TRIM24: variants seen among roughly 807,000 people sequenced by gnomAD.
TRIM24 encodes the protein tripartite motif containing 24.
A neutral mutation model predicts 123.9 loss-of-function variants in TRIM24; 29 were observed. The ratio of observed to expected loss-of-function variants is 0.23; its 90% CI spans 0.17 to 0.32. The LOEUF is 0.32. Ranked by LOEUF, TRIM24 falls within the 10% of genes least tolerant of loss-of-function variation. TRIM24 has a pLI of 1.00. For synonymous variants in TRIM24, 456 were observed against 461.1 expected (o/e 0.99, Z 0.14); for missense variants, 932 against 1,295.3 (o/e 0.72, Z 4.31).
intron 6 of TRIM24, among the ~76,000 whole-genome samples, chr7:138,537,002 G>C (rs1262264328): frequency 6.6e-6 from 1 of 152,190 alleles, no homozygotes; most frequent in African/African-American, 2.4e-5. Context: ...GTGGGTATGG[G>C]ACACTCCGAG....
At chr7:138,578,532 T>G (rs867677394) in intron 14 of TRIM24, among the ~76,000 whole-genome samples, 1,753 of 146,820 alleles carry the variant, frequency 0.012, 27 homozygotes, top group African/African-American at 0.041. Flanking sequence ...GGTGGTGGTT[T>G]TGTGTGTGTG....
chr7:138,482,004 G>C (rs762453881), intron 1 of TRIM24, among the ~76,000 whole-genome samples: 7 of 152,200 alleles, frequency 4.6e-5, no homozygotes, highest in Non-Finnish European at 1.0e-4. Flanking sequence ...CTACACCGCC[G>C]TGCTTATAAT....
chr7:138,577,979 A>C (rs1554445228), intron 14 of TRIM24, among the ~76,000 whole-genome samples: 1 of 152,166 alleles, frequency 6.6e-6, no homozygotes, highest in Non-Finnish European at 1.5e-5. Context: ...ACAAGAAAGA[A>C]GACATAAGAT....
intron 9 of TRIM24, among the ~76,000 whole-genome samples, chr7:138,563,462 C>T (rs1393125162): frequency 1.3e-5 from 2 of 152,330 alleles, no homozygotes; most frequent in East Asian, 3.9e-4. Context: ...TCTTGCAATG[C>T]TAGTTTCCCT....
intron 10 of TRIM24, among the ~76,000 whole-genome samples, chr7:138,568,379 C>CTTTTTTTTTTTTTTTTTTTTTT (rs60386130): frequency 1.9e-4 from 13 of 68,702 alleles, no homozygotes; most frequent in Admixed American, 5.0e-4. Context: ...ACCTGGCCTC[C>CTTTTTTTTTTTTTTTTTTTTTT]TTTTTTTTTT....
At position 138,460,480 on chromosome 7, in the gene TRIM24, G is replaced by A; in HGVS notation, c.-69G>A. ...CTCTGAGGAGCAGCCGCAGGAGGAG[G>A]AGGAGGTCGTCGGGGGCGGCGGGCG... On this transcript the variant is annotated 5_prime_UTR_variant, in exon 1 of 19. Transcript: ENST00000343526. The A allele has an allele frequency of 8.0e-7, 1 of 1,252,168 alleles. No homozygotes were observed. The allele number at this position is 1,252,168 out of a possible 1,614,324, so 77.6% of individuals were successfully genotyped here. A position where few individuals can be genotyped will look rare whatever the true frequency, so the allele number is the denominator to read the frequency against.
At chr7:138,529,037 C>T in intron 5 of TRIM24, 79 bp from the exon 6 acceptor site, 1 of 782,866 alleles carries the variant, frequency 1.3e-6, no homozygotes, top group Non-Finnish European at 1.9e-6. Flanking sequence ...ACATTTTGGT[C>T]TAATTTAGAC....
intron 6 of TRIM24, among the ~76,000 whole-genome samples, chr7:138,532,626 A>T (rs201970200): frequency 3.3e-5 from 5 of 151,928 alleles, no homozygotes; most frequent in Non-Finnish European, 5.9e-5. Flanking sequence ...CCTTGTAGTA[A>T]AGTTTGAAGT....
At position 138,469,631 on chromosome 7, in the gene TRIM24, A is replaced by T. The variant is rs546654654; in HGVS notation, c.364+8719A>T. On this transcript the variant is annotated intron_variant, in intron 1 of 18. Coordinates refer to ENST00000343526, the MANE Select transcript of TRIM24 (RefSeq NM_015905.3). Reference sequence around the variant, plus strand: ...TTTTACTCCAGCATTTTGAATACACACTTAGACCAGTAGTCTCCAAAATGG... The same window carrying T: ...TTTTACTCCAGCATTTTGAATACACTCTTAGACCAGTAGTCTCCAAAATGG... Among the ~76,000 whole-genome samples the T allele has an allele frequency of 1.1e-3, 161 of 152,114 alleles. 4 individuals carry two copies. In the South Asian group the frequency reaches 0.03, roughly 29 times the overall value.
chr7:138,465,553 G>T (rs890644003), intron 1 of TRIM24, among the ~76,000 whole-genome samples: 2 of 152,118 alleles, frequency 1.3e-5, no homozygotes, highest in Admixed American at 6.5e-5. Flanking sequence ...TCTAGAGAGG[G>T]TTAAAATATA....
chr7:138,540,896 T>C (rs956339698), intron 7 of TRIM24, among the ~76,000 whole-genome samples: 6 of 152,198 alleles, frequency 3.9e-5, no homozygotes, highest in African/African-American at 1.4e-4. Context: ...TGGAGTGCAG[T>C]GGTGTGATCT....
At chr7:138,466,026 C>T (rs977351577) in intron 1 of TRIM24, among the ~76,000 whole-genome samples, 3 of 152,154 alleles carry the variant, frequency 2.0e-5, no homozygotes, top group Non-Finnish European at 2.9e-5. Context: ...GTTTTTGAGA[C>T]GGAGTCTCAC....
chr7:138,502,494 C>A (rs1293717795), intron 1 of TRIM24, among the ~76,000 whole-genome samples: 3 of 152,194 alleles, frequency 2.0e-5, no homozygotes, highest in Admixed American at 2.0e-4. Flanking sequence ...TAATCTAGGT[C>A]TTGAACAGTT....
intron 1 of TRIM24, among the ~76,000 whole-genome samples, chr7:138,486,690 G>T (rs1795655338): frequency 6.6e-6 from 1 of 152,066 alleles, no homozygotes; most frequent in Admixed American, 6.6e-5. Context: ...TGTCCTACTG[G>T]TCTGTATCTC....
At chr7:138,484,577 G>C (rs924019004) in intron 1 of TRIM24, among the ~76,000 whole-genome samples, 4 of 151,990 alleles carry the variant, frequency 2.6e-5, no homozygotes, top group Admixed American at 6.6e-5. Flanking sequence ...TTCACATGCT[G>C]TAGGATTTGG....
chr7:138,525,231 A>G lies in TRIM24; in HGVS notation c.765-10A>G. On this transcript the variant is annotated splice_polypyrimidine_tract_variant and intron_variant, in intron 4 of 18. Transcript: ENST00000343526. Reference sequence around the variant, plus strand: ...TATTTTTATATGAAATAATTTGCTTATTTCTTCAGATACCAATTTATAGAA... The same window carrying G: ...TATTTTTATATGAAATAATTTGCTTGTTTCTTCAGATACCAATTTATAGAA... 1 of 1,350,008 alleles carries G rather than the reference A, an allele frequency of 7.4e-7. No individual in the cohort carries two copies. The highest frequency in any genetic ancestry group is 1.6e-5 in the South Asian group (1 of 64,316). 83.6% of individuals were successfully genotyped at this position (1,350,008 alleles called of 1,614,324 possible).
chr7:138,536,677 G>T (rs1205653766), intron 6 of TRIM24, among the ~76,000 whole-genome samples: 1 of 152,212 alleles, frequency 6.6e-6, no homozygotes, highest in African/African-American at 2.4e-5. Flanking sequence ...CCCACTTGAG[G>T]AGGTAGTCTG....
At position 138,515,285 on chromosome 7, in the gene TRIM24, C is replaced by T. The variant is rs149374418; in HGVS notation, c.557C>T (p.Thr186Met). Residue 186 changes from threonine (T) to methionine (M), a missense_variant, in exon 3 of 19, where the codon ACG (threonine) becomes ATG (methionine). Thr to Met is a moderately conservative substitution (Grantham distance 81). This residue lies in a region of TRIM24 where 74 missense variants were observed against 163.6 expected (regional missense o/e 0.45). Coordinates refer to ENST00000343526, the MANE Select transcript of TRIM24 (RefSeq NM_015905.3). The part of the protein sequence containing the change: ...CVECVEWLCK[T>M]CIRAHQRVKF... ...GAGTGTGTTGAATGGCTCTGCAAGA[C>T]GTGTATCAGAGCTCATCAGAGGGTA... 5.9e-5 allele frequency: 96 copies of T among 1,614,060 alleles called. No homozygotes were observed. Among genetic ancestry groups the T allele is most frequent in the Non-Finnish European group, 7.1e-5 (84 of 1,179,962 alleles).
Position 138,548,355 on chromosome 7 carries a change from G to A in TRIM24, c.1144-2708G>A, listed in dbSNP as rs573587893. On this transcript the variant is annotated intron_variant, in intron 7 of 18. Coordinates refer to ENST00000343526, the MANE Select transcript of TRIM24 (RefSeq NM_015905.3). ...GATTTAAAAATGGTACACCATGGAG[G>A]TTGCAGTGAGCCGAGCTGAGATCGC... Among the ~76,000 whole-genome samples, 157 of 152,012 alleles carry A rather than the reference G, an allele frequency of 1.0e-3. 1 individual carries two copies. The highest frequency in any genetic ancestry group is 5.6e-3 in the East Asian group (29 of 5,164).
Sources: gnomAD v4.1 joint callset for allele counts (sites outside exome capture counted in the v4.1 genomes callset) on GRCh38, gnomAD v4.1.1 for gene constraint, gnomAD v4.1.1 regional missense constraint, MANE v1.5 for transcripts, NCBI Gene and HGNC (gene_info 2026-07-23, HGNC 2026-07-21) for gene names.